KCNMB2: variants seen among roughly 807,000 people sequenced by gnomAD.
KCNMB2 encodes calcium-activated potassium channel subunit beta-2.
KCNMB2 carries 9 observed loss-of-function variants against 24.5 expected under a neutral mutation model. The observed-to-expected ratio is 0.37, with a 90% CI of 0.22 to 0.64. The LOEUF is 0.64. KCNMB2 is among the 30% of genes least tolerant of loss of function. The pLI, the probability that KCNMB2 is intolerant of heterozygous loss-of-function variation, is 0.63. For missense variants in KCNMB2, 226 were observed against 284.3 expected (o/e 0.79, Z 1.47); for synonymous variants, 109 against 104.4 (o/e 1.04, Z -0.27).
intron 1 of KCNMB2, among the ~76,000 whole-genome samples, chr3:178,668,334 A>C (rs1440371311): frequency 6.6e-6 from 1 of 152,108 alleles, no homozygotes; most frequent in African/African-American, 2.4e-5. Context: ...AAGATAAAGA[A>C]GTTTGCTGTG....
chr3:178,568,818 ATAGATAGATAGATGATAG>A (rs1716642896), intron 1 of KCNMB2, among the ~76,000 whole-genome samples: 1 of 61,954 alleles, frequency 1.6e-5, no homozygotes, highest in Non-Finnish European at 3.2e-5. Context: ...TAGATAGATA[ATAGATAGATAGATGATAG>A]ATAGATAGAT....
chr3:178,808,604 C>T (rs879938608), intron 2 of KCNMB2, among the ~76,000 whole-genome samples: 7 of 152,100 alleles, frequency 4.6e-5, no homozygotes, highest in Admixed American at 2.0e-4. Context: ...CAAAGTTGTT[C>T]TTCACAATAA....
At chr3:178,538,348 T>C (rs1715476928) in intron 1 of KCNMB2, among the ~76,000 whole-genome samples, 1 of 152,206 alleles carries the variant, frequency 6.6e-6, no homozygotes. Context: ...CTTGACCTTG[T>C]GAAGTCCCTT....
chr3:178,742,814 T>C (rs758364183), intron 1 of KCNMB2, among the ~76,000 whole-genome samples: 1 of 152,146 alleles, frequency 6.6e-6, no homozygotes, highest in Admixed American at 6.5e-5. Flanking sequence ...TGCTTCAATA[T>C]GGCTGTGGGG....
intron 1 of KCNMB2, among the ~76,000 whole-genome samples, chr3:178,722,634 C>T (rs571860460): frequency 6.3e-4 from 96 of 152,248 alleles, no homozygotes; most frequent in African/African-American, 2.3e-3. Flanking sequence ...TGACATATGC[C>T]TGTAATCCCA....
intron 1 of KCNMB2, among the ~76,000 whole-genome samples, chr3:178,731,219 T>C (rs1051819878): frequency 6.6e-6 from 1 of 152,172 alleles, no homozygotes; most frequent in Admixed American, 6.5e-5. Context: ...GTTTAAATCA[T>C]ACCATTTCTA....
intron 4 of KCNMB2, among the ~76,000 whole-genome samples, chr3:178,838,120 CA>C (rs1193215825): frequency 6.6e-6 from 1 of 151,986 alleles, no homozygotes; most frequent in Non-Finnish European, 1.5e-5. Context: ...TGCTTTGGTT[CA>C]AAAAACATTT....
chr3:178,685,970 G>A (rs1435429772), intron 1 of KCNMB2, among the ~76,000 whole-genome samples: 3 of 151,992 alleles, frequency 2.0e-5, no homozygotes, highest in Admixed American at 6.6e-5. Flanking sequence ...ACAAATCATG[G>A]TCTTAATAAC....
intron 1 of KCNMB2, among the ~76,000 whole-genome samples, chr3:178,640,632 C>T (rs529344761): frequency 6.6e-6 from 1 of 152,218 alleles, no homozygotes; most frequent in African/African-American, 2.4e-5. Flanking sequence ...CTCATCTGGA[C>T]TAAAAGTTAA....
chr3:178,725,553 G>A (rs149412089), intron 1 of KCNMB2, among the ~76,000 whole-genome samples: 101 of 152,006 alleles, frequency 6.6e-4, no homozygotes, highest in Admixed American at 1.3e-3. Context: ...TTCTATACAC[G>A]TGATATCTTT....
rs114807634 is a variant in KCNMB2, at chr3:178,692,047, T to A, written c.-67-115296T>A. 7.5e-3 allele frequency among the ~76,000 whole-genome samples: 1,146 copies of A among 152,340 alleles called. 14 individuals are homozygous for A. The highest frequency in any genetic ancestry group is 0.027 in the African/African-American group (1,111 of 41,582). ...CATATTCTCATTGGCCACATGTATG[T>A]CTTCTTTTGAAAACTGTCTATGTCT... On this transcript the variant is annotated intron_variant, in intron 1 of 4. Transcript: ENST00000452583.
intron 2 of KCNMB2, among the ~76,000 whole-genome samples, chr3:178,819,525 C>G (rs1325384764): frequency 6.6e-6 from 1 of 151,938 alleles, no homozygotes; most frequent in Non-Finnish European, 1.5e-5. Context: ...ACCCCCATCC[C>G]AGCCATGCCC....
chr3:178,830,360 G>C (rs901025772), intron 4 of KCNMB2, among the ~76,000 whole-genome samples: 2 of 152,038 alleles, frequency 1.3e-5, no homozygotes, highest in African/African-American at 4.8e-5. Context: ...TTCTACTGCT[G>C]ATGGACATTT....
At chr3:178,638,131 C>A (rs1719595842) in intron 1 of KCNMB2, among the ~76,000 whole-genome samples, 1 of 152,124 alleles carries the variant, frequency 6.6e-6, no homozygotes, top group Non-Finnish European at 1.5e-5. Flanking sequence ...TTTGCGGCCT[C>A]ACTTATTTTC....
At position 178,641,072 on chromosome 3, in the gene KCNMB2, C is replaced by A. The variant is rs138982548; in HGVS notation, c.-68+104361C>A. ...ATGATTTATGTGTCTATTAATTTACCAATACTACACTGTCATGATTTCTTT... is the reference window on the plus strand; with the variant it reads ...ATGATTTATGTGTCTATTAATTTACAAATACTACACTGTCATGATTTCTTT... On this transcript the variant is annotated intron_variant, in intron 1 of 4. Transcript: ENST00000452583. Among the ~76,000 whole-genome samples, 294 of 152,158 alleles carry A rather than the reference C, an allele frequency of 1.9e-3. 3 individuals carry two copies. Among genetic ancestry groups the A allele is most frequent in the African/African-American group, 4.0e-3 (166 of 41,518 alleles).
intron 1 of KCNMB2, among the ~76,000 whole-genome samples, chr3:178,767,932 G>A (rs1247518127): frequency 6.6e-6 from 1 of 152,098 alleles, no homozygotes; most frequent in Non-Finnish European, 1.5e-5. Flanking sequence ...CTTTTGTCAA[G>A]ACACTTTCTT....
chr3:178,555,580 A>G (rs1008413160), intron 1 of KCNMB2, among the ~76,000 whole-genome samples: 2 of 152,236 alleles, frequency 1.3e-5, no homozygotes, highest in Non-Finnish European at 2.9e-5. Flanking sequence ...AGCATGGGCT[A>G]TGTTTACAAA....
chr3:178,721,707 C>T (rs1282237323), intron 1 of KCNMB2, among the ~76,000 whole-genome samples: 2 of 152,166 alleles, frequency 1.3e-5, no homozygotes, highest in African/African-American at 4.8e-5. Context: ...AAAAGAGTTC[C>T]AGGTTTTCCA....
At chr3:178,565,487 T>A (rs547488316) in intron 1 of KCNMB2, among the ~76,000 whole-genome samples, 199 of 152,330 alleles carry the variant, frequency 1.3e-3, no homozygotes, top group Non-Finnish European at 2.5e-3. Context: ...AATTAAAGCA[T>A]GGATGAAGGC....
Sources: allele counts gnomAD v4.1 joint callset (sites outside exome capture counted in the v4.1 genomes callset), GRCh38; gene constraint gnomAD v4.1.1; transcripts MANE v1.5; gene names NCBI Gene and HGNC (gene_info 2026-07-23, HGNC 2026-07-21).